STPG2: variants seen among roughly 807,000 people sequenced by gnomAD.
The protein encoded by STPG2 is sperm tail PG-rich repeat containing 2, also known as sperm-tail PG-rich repeat-containing protein 2.
STPG2 carries 56 observed loss-of-function variants against 54.2 expected under a neutral mutation model. The ratio of observed to expected loss-of-function variants is 1.03; its 90% CI spans 0.83 to 1.29. The LOEUF (loss-of-function observed/expected upper bound fraction) is 1.29. Ranked by LOEUF, STPG2 falls within the 50% of genes most tolerant of loss-of-function variation. The probability of loss-of-function intolerance (pLI) is 0.00; values close to 1 mark genes in which losing one functional copy is unlikely to be tolerated. For synonymous variants in STPG2, 200 were observed against 181.8 expected, an observed-to-expected ratio of 1.10 and a Z score of -0.81; for missense variants, 596 against 544.9, an observed-to-expected ratio of 1.09 and a Z score of -0.93.
At chr4:97,745,593 T>C (rs1310855745) in intron 9 of STPG2, among the ~76,000 whole-genome samples, 2 of 151,256 alleles carry the variant, frequency 1.3e-5, no homozygotes, top group South Asian at 4.2e-4. Context: ...AAATTAATAG[T>C]CATAAATAAA....
chr4:97,704,525 C>T (rs1723882143), intron 10 of STPG2, among the ~76,000 whole-genome samples: 1 of 152,036 alleles, frequency 6.6e-6, no homozygotes, highest in Non-Finnish European at 1.5e-5. Context: ...AGAGTTCTGT[C>T]AGAAGAAATG....
In STPG2 at chr4:98,025,747, C is replaced by T. The variant is rs2149295814; in HGVS notation, c.613-44429G>A. The T allele has an allele frequency of 3.2e-6, 5 of 1,557,120 alleles. No homozygotes were observed. In the South Asian group the frequency reaches 5.5e-5, roughly 17 times the overall value. On this transcript the variant is annotated intron_variant, in intron 5 of 10. Coordinates refer to ENST00000295268, the MANE Select transcript of STPG2 (RefSeq NM_174952.3). ...TTGGCATGGACAAGATCTATGAAGG[C>T]CAAGTGGAGGTGACTGGCGATGAAT...
chr4:97,842,459 C>A (rs1324532388), intron 8 of STPG2, among the ~76,000 whole-genome samples: 2 of 151,848 alleles, frequency 1.3e-5, no homozygotes, highest in South Asian at 4.1e-4. Context: ...ATACAATATG[C>A]CTAGTGTAAA....
chr4:97,657,239 G>A (rs184434381), intron 10 of STPG2, among the ~76,000 whole-genome samples: 244 of 152,140 alleles, frequency 1.6e-3, no homozygotes, highest in Non-Finnish European at 2.4e-3. Context: ...AAAAAAAGTT[G>A]AGTTGCTAAT....
chr4:97,468,647 G>T (rs1729848391), intron 4 of STPG2, among the ~76,000 whole-genome samples: 1 of 151,922 alleles, frequency 6.6e-6, no homozygotes, highest in Non-Finnish European at 1.5e-5. Context: ...TCTGGAGGTG[G>T]TCATTGTAAA....
chr4:97,778,493 T>C (rs957110408), intron 9 of STPG2, among the ~76,000 whole-genome samples: 1 of 152,146 alleles, frequency 6.6e-6, no homozygotes, highest in African/African-American at 2.4e-5. Flanking sequence ...CTCTGTAGAC[T>C]CCACCTCTAC....
At chr4:97,940,829 C>G (rs1732948525) in intron 8 of STPG2, among the ~76,000 whole-genome samples, 1 of 152,090 alleles carries the variant, frequency 6.6e-6, no homozygotes, top group Non-Finnish European at 1.5e-5. Context: ...ACTCCTGCCT[C>G]TTGAAGAATA....
chr4:97,530,885 GC>G, intron 4 of STPG2, among the ~76,000 whole-genome samples: 1 of 152,204 alleles, frequency 6.6e-6, no homozygotes, highest in Non-Finnish European at 1.5e-5. Context: ...GCAAAGCTAT[GC>G]TGGACTTAGC....
intron 4 of STPG2, among the ~76,000 whole-genome samples, chr4:97,481,886 G>A (rs1261418767): frequency 6.6e-6 from 1 of 151,550 alleles, no homozygotes; most frequent in Non-Finnish European, 1.5e-5. Flanking sequence ...TGTTGAATAG[G>A]AGATGTGAAC....
chr4:97,614,457 T>A (rs938164771), intron 10 of STPG2, among the ~76,000 whole-genome samples: 5 of 152,098 alleles, frequency 3.3e-5, no homozygotes, highest in African/African-American at 1.2e-4. Context: ...GCTTTCCCAG[T>A]AATTTTTCTG....
intron 10 of STPG2, chr4:97,633,577 G>T (rs1372662952): frequency 6.6e-6 from 1 of 152,148 alleles, no homozygotes; most frequent in African/African-American, 2.4e-5. Context: ...TTCCATCTGA[G>T]GTACCGGGTT....
At chr4:97,912,850 G>C (rs1731731899) in intron 8 of STPG2, among the ~76,000 whole-genome samples, 1 of 152,150 alleles carries the variant, frequency 6.6e-6, no homozygotes. Context: ...TAAGAGTTGA[G>C]AAACGCTGGC....
At chr4:97,572,663 T>A (rs1189137951) in intron 10 of STPG2, 1 of 152,148 alleles carries the variant, frequency 6.6e-6, no homozygotes, top group Non-Finnish European at 1.5e-5. Flanking sequence ...AGTTCAAGGA[T>A]GTCGGAAATA....
intron 10 of STPG2, among the ~76,000 whole-genome samples, chr4:97,655,903 C>T (rs1024681548): frequency 2.0e-5 from 3 of 152,054 alleles, no homozygotes; most frequent in African/African-American, 7.2e-5. Flanking sequence ...ATTTAGGACA[C>T]ACCTTTTGTT....
intron 4 of STPG2, among the ~76,000 whole-genome samples, chr4:97,510,227 G>A (rs192943002): frequency 6.6e-6 from 1 of 152,056 alleles, no homozygotes; most frequent in Admixed American, 6.6e-5. Flanking sequence ...ACATTACCAG[G>A]GTAAGTTGAT....
intron 8 of STPG2, among the ~76,000 whole-genome samples, chr4:97,890,741 C>T (rs143153176): frequency 1.4e-3 from 212 of 151,900 alleles, no homozygotes; most frequent in African/African-American, 5.0e-3. Flanking sequence ...ATCCCAGTTA[C>T]CCTAATTTTA....
At chr4:97,719,489 A>T (rs1724384448) in intron 9 of STPG2, among the ~76,000 whole-genome samples, 1 of 152,006 alleles carries the variant, frequency 6.6e-6, no homozygotes, top group Non-Finnish European at 1.5e-5. Flanking sequence ...AATTTCAATA[A>T]AACCCATTGG....
intron 9 of STPG2, among the ~76,000 whole-genome samples, chr4:97,722,037 A>G (rs1350287039): frequency 1.3e-5 from 2 of 151,338 alleles, no homozygotes; most frequent in East Asian, 3.9e-4. Flanking sequence ...CTGATTGCTA[A>G]TTATCACAAT....
chr4:97,485,176 A>T (rs1240808587), intron 4 of STPG2, among the ~76,000 whole-genome samples: 3 of 151,638 alleles, frequency 2.0e-5, no homozygotes, highest in Admixed American at 6.6e-5. Context: ...TCACCACTCC[A>T]CTTCAATGTA....
Sources: gnomAD v4.1 joint callset for allele counts (sites outside exome capture counted in the v4.1 genomes callset) on GRCh38, gnomAD v4.1.1 for gene constraint, MANE v1.5 for transcripts, NCBI Gene and HGNC (gene_info 2026-07-23, HGNC 2026-07-21) for gene names.